Variants in RBFOX1 observed in about 807,000 individuals in gnomAD.
RBFOX1 encodes RNA binding fox-1 homolog 1.
Under a neutral mutation model 57.7 loss-of-function variants are expected in RBFOX1, and 8 were observed. The observed-to-expected ratio is 0.14, with a 90% CI of 0.08 to 0.25. The LOEUF (loss-of-function observed/expected upper bound fraction) is 0.25. RBFOX1 is among the 10% of genes least tolerant of loss of function. The pLI is 1.00. For missense variants in RBFOX1, 611 were observed against 548.5 expected, an observed-to-expected ratio of 1.11 and a Z score of -1.14; for synonymous variants, 326 against 222.4, an observed-to-expected ratio of 1.47 and a Z score of -4.15.
At chr16:6,139,083 A>G (rs975873493) in intron 1 of RBFOX1, among the ~76,000 whole-genome samples, 1 of 152,030 alleles carries the variant, frequency 6.6e-6, no homozygotes, top group African/African-American at 2.4e-5. Context: ...TATTACCGCT[A>G]TTGTTATTGA....
At chr16:6,999,506 G>T (rs1041823044) in intron 3 of RBFOX1, among the ~76,000 whole-genome samples, 1 of 151,444 alleles carries the variant, frequency 6.6e-6, no homozygotes, top group Non-Finnish European at 1.5e-5. Context: ...TTGTTTAATG[G>T]TGGTTTTAAA....
chr16:7,338,558 T>A (rs536455125), intron 4 of RBFOX1, among the ~76,000 whole-genome samples: 47 of 152,082 alleles, frequency 3.1e-4, no homozygotes, highest in Admixed American at 1.9e-3. Context: ...TCAGCTTTTT[T>A]AAAAAAAATT....
intron 7 of RBFOX1, among the ~76,000 whole-genome samples, 165 bp downstream of exon 7, chr16:7,587,465 C>T (rs1014004755): frequency 1.3e-5 from 2 of 152,072 alleles, no homozygotes; most frequent in Non-Finnish European, 2.9e-5. Flanking sequence ...GGAAAGACAT[C>T]GGGTTCAGTT....
intron 1 of RBFOX1, among the ~76,000 whole-genome samples, chr16:5,391,931 A>C (rs1403353558): frequency 6.6e-6 from 1 of 151,888 alleles, no homozygotes; most frequent in Non-Finnish European, 1.5e-5. Context: ...ATATACACAC[A>C]CAATGGAATA....
chr16:6,935,812 G>A (rs978947719), intron 3 of RBFOX1, among the ~76,000 whole-genome samples: 1 of 152,168 alleles, frequency 6.6e-6, no homozygotes, highest in African/African-American at 2.4e-5. Flanking sequence ...ATGTCTCTAA[G>A]GCATGCCACA....
intron 3 of RBFOX1, among the ~76,000 whole-genome samples, chr16:5,840,071 C>T (rs145301673): frequency 4.2e-4 from 64 of 152,284 alleles, no homozygotes; most frequent in African/African-American, 1.5e-3. Flanking sequence ...TGTTGACAGT[C>T]CATTTAGTAT....
intron 4 of RBFOX1, among the ~76,000 whole-genome samples, chr16:7,263,128 T>TA (rs1444721335): frequency 6.6e-6 from 1 of 152,166 alleles, no homozygotes; most frequent in Non-Finnish European, 1.5e-5. Context: ...AATGAGAAAT[T>TA]AAATGCTATT....
intron 3 of RBFOX1, among the ~76,000 whole-genome samples, chr16:5,839,403 T>C (rs1191537488): frequency 6.6e-6 from 1 of 152,174 alleles, no homozygotes. Flanking sequence ...CCCTAATTCC[T>C]TTAGCCCTCT....
chr16:5,517,892 C>CAT (rs567377973), intron 2 of RBFOX1, among the ~76,000 whole-genome samples: 1 of 150,506 alleles, frequency 6.6e-6, no homozygotes, highest in Non-Finnish European at 1.5e-5. Context: ...ACACATTTTA[C>CAT]ATATATATGT....
At chr16:7,176,115 A>G (rs556678448) in intron 4 of RBFOX1, among the ~76,000 whole-genome samples, 2 of 151,522 alleles carry the variant, frequency 1.3e-5, no homozygotes, top group Non-Finnish European at 2.9e-5. Context: ...CTTTTAATCA[A>G]ATTTTTTTTA....
chr16:5,368,241 A>G (rs2151361388), intron 1 of RBFOX1, among the ~76,000 whole-genome samples: 1 of 152,344 alleles, frequency 6.6e-6, no homozygotes, highest in East Asian at 1.9e-4. Flanking sequence ...TGAGGCTTGA[A>G]CAGATTTCTT....
At chr16:6,642,122 G>A (rs1340924793) in intron 2 of RBFOX1, among the ~76,000 whole-genome samples, 1 of 152,200 alleles carries the variant, frequency 6.6e-6, no homozygotes, top group Non-Finnish European at 1.5e-5. Context: ...AATGAAAAGA[G>A]ACGCCAAGCC....
intron 10 of RBFOX1, among the ~76,000 whole-genome samples, chr16:7,625,953 G>C (rs944369059): frequency 6.6e-6 from 1 of 152,142 alleles, no homozygotes; most frequent in African/African-American, 2.4e-5. Context: ...TGAATTAGTA[G>C]CATCAATGGG....
intron 3 of RBFOX1, among the ~76,000 whole-genome samples, chr16:5,767,113 G>T (rs750161677): frequency 1.3e-5 from 2 of 152,238 alleles, no homozygotes; most frequent in Non-Finnish European, 2.9e-5. Flanking sequence ...CACCCAAAGT[G>T]TTCCCTCCAG....
At chr16:6,693,199 T>C (rs1167666436) in intron 3 of RBFOX1, among the ~76,000 whole-genome samples, 2 of 146,894 alleles carry the variant, frequency 1.4e-5, no homozygotes, top group Non-Finnish European at 3.0e-5. Flanking sequence ...TCCGCTACCA[T>C]CACCACCATC....
intron 10 of RBFOX1, among the ~76,000 whole-genome samples, chr16:7,617,183 C>G (rs1596565261): frequency 6.6e-6 from 1 of 152,218 alleles, no homozygotes; most frequent in Non-Finnish European, 1.5e-5. Context: ...AACAACTTAT[C>G]ACTGTAGGCA....
At chr16:7,190,234 C>A (rs368440196) in intron 4 of RBFOX1, among the ~76,000 whole-genome samples, 2 of 152,102 alleles carry the variant, frequency 1.3e-5, no homozygotes, top group Non-Finnish European at 2.9e-5. Context: ...GGTGGCACAC[C>A]TGTAATCCCA....
chr16:7,340,745 C>T (rs1033291553), intron 4 of RBFOX1, among the ~76,000 whole-genome samples: 1 of 152,206 alleles, frequency 6.6e-6, no homozygotes. Flanking sequence ...CATTCCAAAG[C>T]ACTCGAAGAT....
chr16:7,274,937 GC>G (rs1431881103), intron 4 of RBFOX1, among the ~76,000 whole-genome samples: 2 of 152,082 alleles, frequency 1.3e-5, no homozygotes, highest in Admixed American at 1.3e-4. Context: ...GCCTGCCTCG[GC>G]CTCCCAAAGT....
Sources: allele counts gnomAD v4.1 joint callset (sites outside exome capture counted in the v4.1 genomes callset), GRCh38; gene constraint gnomAD v4.1.1; transcripts MANE v1.5; gene names NCBI Gene and HGNC (gene_info 2026-07-23, HGNC 2026-07-21).